Variants in GGNBP2 observed in about 807,000 individuals in gnomAD.
The protein encoded by GGNBP2 is gametogenetin binding protein 2.
In GGNBP2, 10 loss-of-function variants were observed where a neutral mutation model predicts 85.9. The observed-to-expected ratio is 0.12, with a 90% confidence interval of 0.07 to 0.20. GGNBP2 has a LOEUF of 0.20. Among genes scored for constraint, GGNBP2 ranks in the 10% least tolerant of loss-of-function variants. GGNBP2 has a pLI of 1.00. For missense variants in GGNBP2, 595 were observed against 857.8 expected (o/e 0.69, Z 3.83); for synonymous variants, 287 against 285.7 (o/e 1.00, Z -0.05).
chr17:36,565,845 G>A (rs749202198), intron 5 of GGNBP2, among the ~76,000 whole-genome samples: 18 of 151,768 alleles, frequency 1.2e-4, no homozygotes, highest in Non-Finnish European at 1.8e-4. Context: ...GCAGTGAGCC[G>A]AGATCACACC....
rs532296949 is a variant in GGNBP2, at chr17:36,566,476, A to G, written c.528-1187A>G. The stretch of plus-strand genomic sequence containing the variant: ...GGAGTCGGAGATCAGCCTGGGCAAC[A>G]TGACAAGACCCTGCTGTCTCTACTT... On this transcript the variant is annotated intron_variant, in intron 5 of 13. Coordinates refer to ENST00000613102, the MANE Select transcript of GGNBP2 (RefSeq NM_024835.5). Among the ~76,000 whole-genome samples, 20 of 152,192 alleles carry G rather than the reference A, an allele frequency of 1.3e-4. No homozygotes were observed. The South Asian group carries it at 1.7e-3, about 13-fold the overall frequency.
intron 3 of GGNBP2, among the ~76,000 whole-genome samples, chr17:36,556,795 C>T (rs2074366722): frequency 8.4e-6 from 1 of 118,936 alleles, no homozygotes; most frequent in African/African-American, 3.4e-5. Flanking sequence ...GAGGACTGGC[C>T]TAATACTCAC....
At chr17:36,557,806 A>G (rs2074377396) in intron 4 of GGNBP2, among the ~76,000 whole-genome samples, 1 of 152,182 alleles carries the variant, frequency 6.6e-6, no homozygotes, top group Non-Finnish European at 1.5e-5. Flanking sequence ...GAACAGTAAT[A>G]AAAGATGGGG....
chr17:36,554,404 G>A (rs1344189238), intron 2 of GGNBP2, among the ~76,000 whole-genome samples: 1 of 64,084 alleles, frequency 1.6e-5, no homozygotes, highest in Non-Finnish European at 2.7e-5. Context: ...TTTCACTCTT[G>A]TTGTCCAGGC....
At position 36,589,219 on chromosome 17, in the gene GGNBP2, A is replaced by C; in HGVS notation, c.1902A>C (p.Glu634Asp). The change falls in exon 14 of 14, where the codon GAA (glutamate) becomes GAC (aspartate). Residue 634 changes from glutamate (E) to aspartate (D), a missense_variant. Glu to Asp is a conservative substitution (Grantham distance 45). This residue lies in a region of GGNBP2 where 120 missense variants were observed against 126.3 expected (regional missense o/e 0.95). Transcript: ENST00000613102. ...KSLVELLDES[E>D]CTSDEEIFIS... ...GCTTTAATTTGCAGGATGAGTCTGAATGTACTTCAGATGAGGAAATCTTTA... is the reference window on the plus strand; with the variant it reads ...GCTTTAATTTGCAGGATGAGTCTGACTGTACTTCAGATGAGGAAATCTTTA... 1 of 1,610,608 alleles carries C rather than the reference A, an allele frequency of 6.2e-7. No homozygotes were observed.
intron 7 of GGNBP2, 93 bp downstream of exon 7, chr17:36,578,279 A>G (rs2074611507): frequency 5.6e-6 from 5 of 893,856 alleles, no homozygotes; most frequent in Non-Finnish European, 8.6e-6. Context: ...GCCTCAGTAC[A>G]TATGATATAT....
At chr17:36,562,831 G>T (rs150021283) in intron 5 of GGNBP2, among the ~76,000 whole-genome samples, 1 of 151,620 alleles carries the variant, frequency 6.6e-6, no homozygotes, top group Non-Finnish European at 1.5e-5. Context: ...CAGGCATGGT[G>T]GCACACATCT....
chr17:36,581,258 C>A, intron 8 of GGNBP2, 86 bp from the exon 9 acceptor site: 2 of 902,792 alleles, frequency 2.2e-6, no homozygotes, highest in East Asian at 2.5e-5. Flanking sequence ...GCACTCCAGT[C>A]TGGGCGACAG....
At chr17:36,574,568 T>G (rs950326861) in intron 6 of GGNBP2, 2 of 502,282 alleles carry the variant, frequency 4.0e-6, no homozygotes, top group African/African-American at 4.0e-5. Flanking sequence ...GAATACAGTC[T>G]CCTTCCAGAG....
chr17:36,584,654 A>G (rs2074682836), intron 9 of GGNBP2, among the ~76,000 whole-genome samples: 1 of 152,208 alleles, frequency 6.6e-6, no homozygotes, highest in Non-Finnish European at 1.5e-5. Flanking sequence ...AGACTGTCAA[A>G]AAGATTTCTG....
chr17:36,551,349 G>C (rs1169889863), intron 2 of GGNBP2, among the ~76,000 whole-genome samples: 1 of 151,922 alleles, frequency 6.6e-6, no homozygotes, highest in Admixed American at 6.6e-5. Context: ...TAGGATTACA[G>C]GCATGTGCCA....
intron 9 of GGNBP2, among the ~76,000 whole-genome samples, chr17:36,583,481 C>A (rs1215837308): frequency 6.6e-6 from 1 of 152,080 alleles, no homozygotes; most frequent in Non-Finnish European, 1.5e-5. Flanking sequence ...TATTTTGGAG[C>A]AGAGTCTTGC....
chr17:36,572,846 C>G (rs2074539971), intron 6 of GGNBP2, among the ~76,000 whole-genome samples: 1 of 152,098 alleles, frequency 6.6e-6, no homozygotes, highest in South Asian at 2.1e-4. Flanking sequence ...TTTTTCTCCC[C>G]TCACCCCCTA....
At chr17:36,568,832 T>G (rs2074494444) in intron 6 of GGNBP2, among the ~76,000 whole-genome samples, 1 of 151,944 alleles carries the variant, frequency 6.6e-6, no homozygotes, top group Non-Finnish European at 1.5e-5. Context: ...CTCGGCTCAC[T>G]GTAACTGCTG....
chr17:36,586,209 T>C lies in GGNBP2; in HGVS notation c.1641+11T>C. 6.2e-7 allele frequency: 1 copy of C among 1,608,320 alleles called. No individual in the cohort carries two copies. The highest frequency in any genetic ancestry group is 8.5e-7 in the Non-Finnish European group (1 of 1,179,052). On this transcript the variant is annotated intron_variant, in intron 12 of 13. Coordinates refer to ENST00000613102, the MANE Select transcript of GGNBP2 (RefSeq NM_024835.5). ...AAATGTGATGAACATGTAAGTGTCATAACTTGTAATTCTTAAACCTTTGCT... is the reference window on the plus strand; with the variant it reads ...AAATGTGATGAACATGTAAGTGTCACAACTTGTAATTCTTAAACCTTTGCT...
intron 2 of GGNBP2, among the ~76,000 whole-genome samples, chr17:36,549,681 ATTT>A (rs1219726973): frequency 6.6e-6 from 1 of 151,976 alleles, no homozygotes; most frequent in Non-Finnish European, 1.5e-5. Flanking sequence ...TTTTGAAAAC[ATTT>A]TTTCTTGTCA....
chr17:36,554,333 A>G (rs1359873214), intron 2 of GGNBP2, among the ~76,000 whole-genome samples: 1 of 137,398 alleles, frequency 7.3e-6, no homozygotes, highest in African/African-American at 2.7e-5. Flanking sequence ...AAAAATGGAA[A>G]CTTGTCTTAT....
rs770584292 is a variant in GGNBP2, at chr17:36,587,097, A to G, written c.1742A>G (p.His581Arg). 1.2e-5 allele frequency: 19 copies of G among 1,614,130 alleles called. No homozygotes were observed. In the Admixed American group the frequency reaches 3.2e-4, roughly 27 times the overall value. ...VFHRDKTKDT[H>R]PESCCSSEKG... ...CACCGTGACAAGACCAAAGATACAC[A>G]TCCTGAAAGCTGTTGCAGCTCTGAA... is the stretch of plus-strand genomic sequence containing the variant. Residue 581 changes from histidine (H) to arginine (R), a missense_variant, in exon 13 of 14, where the codon CAT becomes CGT. By Grantham distance (29) the His-to-Arg change is conservative. Around this residue, in one of 9 missense-constraint regions of GGNBP2, gnomAD observed 120 missense variants for 126.3 expected, o/e 0.95. Coordinates refer to ENST00000613102, the MANE Select transcript of GGNBP2 (RefSeq NM_024835.5).
intron 3 of GGNBP2, among the ~76,000 whole-genome samples, chr17:36,555,306 A>G (rs541350909): frequency 6.6e-6 from 1 of 152,340 alleles, no homozygotes; most frequent in African/African-American, 2.4e-5. Flanking sequence ...CTTTATAAAT[A>G]CACTTAAATG....
Sources: allele counts gnomAD v4.1 joint callset (sites outside exome capture counted in the v4.1 genomes callset), GRCh38; gene constraint gnomAD v4.1.1; regional missense constraint gnomAD v4.1.1; transcripts MANE v1.5; gene names NCBI Gene and HGNC (gene_info 2026-07-23, HGNC 2026-07-21).